ATP8A2: variants seen among roughly 807,000 people sequenced by gnomAD.
ATP8A2 encodes the protein phospholipid-transporting ATPase IB.
In ATP8A2, 100 loss-of-function variants were observed where a neutral mutation model predicts 165.6. The observed-to-expected ratio is 0.60, with a 90% confidence interval of 0.51 to 0.71. The LOEUF (loss-of-function observed/expected upper bound fraction) is 0.71, where lower values mean the gene tolerates loss of function less well. Among genes scored for constraint, ATP8A2 ranks in the 30% least tolerant of loss-of-function variants. The probability of loss-of-function intolerance (pLI) is 0.00; values close to 1 mark genes in which losing one functional copy is unlikely to be tolerated. For synonymous variants in ATP8A2, 543 were observed against 548.8 expected (o/e 0.99, Z 0.15); for missense variants, 1,227 against 1,479.5 (o/e 0.83, Z 2.80).
intron 24 of ATP8A2, among the ~76,000 whole-genome samples, chr13:25,651,956 T>G (rs951344993): frequency 6.6e-6 from 1 of 152,138 alleles, no homozygotes; most frequent in East Asian, 1.9e-4. Flanking sequence ...TTAAAAAAAT[T>G]TTTTTAACAT....
chr13:25,603,769 C>G (rs1007479830), intron 24 of ATP8A2, among the ~76,000 whole-genome samples: 2 of 152,072 alleles, frequency 1.3e-5, no homozygotes, highest in African/African-American at 4.8e-5. Flanking sequence ...TTGGAAGGAT[C>G]AGGTTGCCAT....
Position 25,937,362 on chromosome 13 carries a change from C to CTTTCTTTTTTTTTTTTTTTTTTT in ATP8A2, c.3184-24210_3184-24209insCTTTTTTTTTTTTTTTTTTTTTT. ...TGCTTTGTCTTTCTATTCTTTCTTT[C>CTTTCTTTTTTTTTTTTTTTTTTT]TTTTTTTTTTTTTTTTTGAACAGCC... On this transcript the variant is annotated intron_variant, in intron 33 of 36. Coordinates refer to ENST00000381655, the MANE Select transcript of ATP8A2 (RefSeq NM_016529.6). Among the ~76,000 whole-genome samples the CTTTCTTTTTTTTTTTTTTTTTTT allele has an allele frequency of 5.5e-3, 214 of 38,788 alleles. 35 individuals are homozygous for CTTTCTTTTTTTTTTTTTTTTTTT. Among genetic ancestry groups the CTTTCTTTTTTTTTTTTTTTTTTT allele is most frequent in the Middle Eastern group, 0.04 (2 of 50 alleles). The allele number at this position is 38,788 out of a possible 152,430, so 25.4% of individuals were successfully genotyped here.
chr13:25,793,399 C>T (rs1249562486), intron 27 of ATP8A2, among the ~76,000 whole-genome samples: 2 of 152,082 alleles, frequency 1.3e-5, no homozygotes, highest in Non-Finnish European at 2.9e-5. Context: ...ACCTGCCCAG[C>T]CATTTCTACA....
At chr13:25,634,299 A>G (rs952932482) in intron 24 of ATP8A2, among the ~76,000 whole-genome samples, 2 of 152,182 alleles carry the variant, frequency 1.3e-5, no homozygotes, top group African/African-American at 2.4e-5. Flanking sequence ...TGGAGTAGGC[A>G]TCAAATAAAT....
intron 24 of ATP8A2, among the ~76,000 whole-genome samples, chr13:25,602,132 A>G (rs2040403853): frequency 6.6e-6 from 1 of 152,220 alleles, no homozygotes; most frequent in Non-Finnish European, 1.5e-5. Context: ...GTGGTATACT[A>G]GAAATGTTGC....
chr13:25,442,626 T>G (rs974963244), intron 1 of ATP8A2, among the ~76,000 whole-genome samples: 25 of 152,146 alleles, frequency 1.6e-4, no homozygotes, highest in African/African-American at 5.8e-4. Flanking sequence ...TGCTATGTCG[T>G]CCAGGCTGTT....
chr13:25,504,671 C>T (rs1030010682), intron 2 of ATP8A2, among the ~76,000 whole-genome samples: 19 of 138,482 alleles, frequency 1.4e-4, no homozygotes, highest in African/African-American at 4.9e-4. Flanking sequence ...ACCCGGGAAG[C>T]GGAGCTTGCA....
intron 1 of ATP8A2, among the ~76,000 whole-genome samples, chr13:25,416,219 C>A (rs1405794630): frequency 6.6e-6 from 1 of 152,168 alleles, no homozygotes; most frequent in Non-Finnish European, 1.5e-5. Context: ...ATGAGACAGG[C>A]ATTGGGTTTG....
chr13:25,393,624 C>A (rs1042647888), intron 1 of ATP8A2, among the ~76,000 whole-genome samples: 1 of 152,152 alleles, frequency 6.6e-6, no homozygotes, highest in South Asian at 2.1e-4. Flanking sequence ...CCATGTTGGC[C>A]AGGCTGGTCT....
chr13:25,619,148 T>C (rs2040904864), intron 24 of ATP8A2, among the ~76,000 whole-genome samples: 1 of 152,052 alleles, frequency 6.6e-6, no homozygotes, highest in Admixed American at 6.6e-5. Flanking sequence ...AGAAGCACCT[T>C]TTGTGGAGGC....
At position 25,615,012 on chromosome 13, in the gene ATP8A2, G is replaced by A. The variant is rs189250546; in HGVS notation, c.2211+25313G>A. ...GCACTTTCAAGAGACCATCGGCTTT[G>A]GTAGTATAGGGGGATACAAGCTTGC... On this transcript the variant is annotated intron_variant, in intron 24 of 36. Transcript: ENST00000381655. Among the ~76,000 whole-genome samples the A allele has an allele frequency of 1.9e-3, 285 of 152,324 alleles. 2 individuals carry two copies. Among genetic ancestry groups the A allele is most frequent in the South Asian group, 0.016 (75 of 4,830 alleles).
chr13:25,463,771 T>C (rs4770836), intron 1 of ATP8A2, among the ~76,000 whole-genome samples: 101,440 of 152,112 alleles, frequency 0.67, 34,398 homozygotes, highest in East Asian at 0.99. Flanking sequence ...ACAAAGTGCA[T>C]GGAGGAGACA....
At chr13:25,516,011 GAT>G (rs1211421975) in intron 2 of ATP8A2, among the ~76,000 whole-genome samples, 1 of 152,208 alleles carries the variant, frequency 6.6e-6, no homozygotes, top group Non-Finnish European at 1.5e-5. Context: ...AATCCAGAAA[GAT>G]AGAATAATAT....
intron 1 of ATP8A2, among the ~76,000 whole-genome samples, chr13:25,432,592 G>T (rs2034646146): frequency 6.6e-6 from 1 of 152,126 alleles, no homozygotes; most frequent in Non-Finnish European, 1.5e-5. Flanking sequence ...GAGCTCCTAG[G>T]CAAGGGCACC....
intron 13 of ATP8A2, among the ~76,000 whole-genome samples, chr13:25,558,108 G>T (rs904162292): frequency 6.6e-6 from 1 of 152,086 alleles, no homozygotes; most frequent in African/African-American, 2.4e-5. Context: ...TGCCATGTTG[G>T]CCAGGCTGGT....
chr13:25,532,579 T>C (rs2038149418), intron 5 of ATP8A2, among the ~76,000 whole-genome samples: 2 of 152,234 alleles, frequency 1.3e-5, no homozygotes, highest in South Asian at 4.1e-4. Flanking sequence ...ATAAAAAGTC[T>C]AAGCATTCAT....
In ATP8A2 at chr13:25,892,932, A is replaced by G. The variant is rs931918911; in HGVS notation, c.3183+30524A>G. ...CACAAAGTGTTAAGTGGTTGGTAAT[A>G]TTAGTATTAGATAGGCTCAGGTTTG... On this transcript the variant is annotated intron_variant, in intron 33 of 36. Transcript: ENST00000381655. Among the ~76,000 whole-genome samples, 7 of 152,120 alleles carry G rather than the reference A, an allele frequency of 4.6e-5. 1 individual carries two copies. The highest frequency in any genetic ancestry group is 2.9e-5 in the Non-Finnish European group (2 of 68,026).
chr13:25,389,924 A>G (rs1459399159), intron 1 of ATP8A2, among the ~76,000 whole-genome samples: 1 of 152,234 alleles, frequency 6.6e-6, no homozygotes, highest in African/African-American at 2.4e-5. Context: ...CACTTGAAGC[A>G]AAGAGTGGTC....
At chr13:25,442,896 G>A (rs2034970997) in intron 1 of ATP8A2, among the ~76,000 whole-genome samples, 1 of 152,092 alleles carries the variant, frequency 6.6e-6, no homozygotes, top group Non-Finnish European at 1.5e-5. Flanking sequence ...CTGTCAATTT[G>A]TTGTTGTTGT....
Sources: gnomAD v4.1 joint callset for allele counts (sites outside exome capture counted in the v4.1 genomes callset) on GRCh38, gnomAD v4.1.1 for gene constraint, MANE v1.5 for transcripts, NCBI Gene and HGNC (gene_info 2026-07-23, HGNC 2026-07-21) for gene names.